Variants in PPP2R3A observed in about 807,000 individuals in gnomAD.
PPP2R3A encodes the protein serine/threonine-protein phosphatase 2A regulatory subunit B'' subunit alpha.
In PPP2R3A, 80 loss-of-function variants were observed where a neutral mutation model predicts 106.9. The observed-to-expected ratio is 0.75, with a 90% CI of 0.62 to 0.90. The LOEUF (loss-of-function observed/expected upper bound fraction) is 0.90. Among genes scored for constraint, PPP2R3A ranks in the 40% least tolerant of loss-of-function variants. The pLI is 0.00. For missense variants in PPP2R3A, 1,386 were observed against 1,350.4 expected (o/e 1.03, Z -0.41); for synonymous variants, 483 against 468.3 (o/e 1.03, Z -0.41).
chr3:136,034,979 C>G (rs1191472483), intron 3 of PPP2R3A, among the ~76,000 whole-genome samples: 1 of 152,096 alleles, frequency 6.6e-6, no homozygotes, highest in African/African-American at 2.4e-5. Flanking sequence ...TGTAATGTCC[C>G]TCTTTTTCTT....
Position 136,002,598 on chromosome 3 carries a change from A to G in PPP2R3A, c.1100A>G (p.Gln367Arg). Residue 367 changes from glutamine (Q) to arginine (R), a missense_variant, in exon 2 of 14, where the codon CAA becomes CGA. Physicochemically the swap from Gln to Arg is conservative, Grantham distance 43. Transcript: ENST00000264977. ...AATTCTAGGAAGATGGACACTGTAC[A>G]ATCCATTCCAAACAACTCCACAAAT... ...KPNSRKMDTV[Q>R]SIPNNSTNSL... 6.2e-7 allele frequency: 1 copy of G among 1,614,006 alleles called. No homozygotes were observed. Among genetic ancestry groups the G allele is most frequent in the Non-Finnish European group, 8.5e-7 (1 of 1,179,890 alleles).
chr3:136,002,911 G>A lies in PPP2R3A; in HGVS notation c.1413G>A (p.Lys471=). The part of the protein sequence containing the change: ...CPTPMQNEIG[K]IFEKSFVNLP... ...CCCCAATGCAAAATGAAATTGGTAA[G>A]ATATTTGAGAAATCATTTGTTAATC... Residue 471 remains lysine, a synonymous_variant, in exon 2 of 14, where the codon AAG becomes AAA. Coordinates refer to ENST00000264977, the MANE Select transcript of PPP2R3A (RefSeq NM_002718.5). 6.2e-7 allele frequency: 1 copy of A among 1,611,790 alleles called. No homozygotes were observed. Among genetic ancestry groups the A allele is most frequent in the Non-Finnish European group, 8.5e-7 (1 of 1,179,342 alleles).
intron 5 of PPP2R3A, among the ~76,000 whole-genome samples, chr3:136,053,675 C>T (rs1040936092): frequency 1.3e-5 from 2 of 152,196 alleles, no homozygotes; most frequent in Non-Finnish European, 2.9e-5. Flanking sequence ...ATGTGACAGC[C>T]ACAGATTAAA....
chr3:136,063,899 C>T (rs1291713244), intron 5 of PPP2R3A, among the ~76,000 whole-genome samples: 1 of 149,980 alleles, frequency 6.7e-6, no homozygotes, highest in African/African-American at 2.5e-5. Context: ...CCATTTGACC[C>T]AGCCATCCCA....
intron 2 of PPP2R3A, chr3:136,022,869 G>A: frequency 7.3e-7 from 1 of 1,369,570 alleles, no homozygotes; most frequent in Non-Finnish European, 9.4e-7. Context: ...GCCACAGACT[G>A]TATTTGGGAA....
At chr3:136,070,284 GC>G (rs1936385377) in intron 5 of PPP2R3A, among the ~76,000 whole-genome samples, 193 bp from the exon 6 acceptor site, 1 of 152,128 alleles carries the variant, frequency 6.6e-6, no homozygotes. Flanking sequence ...TTTGAAGTAT[GC>G]TGTGTATACA....
intron 9 of PPP2R3A, among the ~76,000 whole-genome samples, chr3:136,089,526 G>A (rs538955126): frequency 6.4e-4 from 97 of 151,436 alleles, no homozygotes; most frequent in Non-Finnish European, 8.7e-4. Context: ...GATACCTCTC[G>A]CTTGGTTGTT....
intron 13 of PPP2R3A, among the ~76,000 whole-genome samples, chr3:136,138,815 G>T (rs1193548892): frequency 2.2e-5 from 3 of 135,034 alleles, no homozygotes; most frequent in Non-Finnish European, 4.6e-5. Flanking sequence ...AGGTTCAAGC[G>T]ATTCTCCTGC....
At chr3:135,999,122 C>G (rs148557416) in intron 1 of PPP2R3A, among the ~76,000 whole-genome samples, 203 of 152,272 alleles carry the variant, frequency 1.3e-3, no homozygotes, top group African/African-American at 4.7e-3. Flanking sequence ...CTCCCAGGGT[C>G]AGGCACAGAG....
chr3:135,966,760 G>A (rs181884093), intron 1 of PPP2R3A, among the ~76,000 whole-genome samples: 1 of 152,166 alleles, frequency 6.6e-6, no homozygotes, highest in East Asian at 1.9e-4. Context: ...TAACACGTAA[G>A]CAAAAAAAGA....
chr3:135,983,140 G>A (rs1455291953), intron 1 of PPP2R3A, among the ~76,000 whole-genome samples: 4 of 152,196 alleles, frequency 2.6e-5, no homozygotes. Flanking sequence ...TCTGTCAAGG[G>A]ACACGTGAGG....
chr3:136,048,501 G>A (rs542844879), intron 4 of PPP2R3A, among the ~76,000 whole-genome samples: 7 of 152,126 alleles, frequency 4.6e-5, no homozygotes, highest in African/African-American at 1.7e-4. Context: ...TGAAACCCCC[G>A]TCTCTACTAA....
At chr3:136,022,264 C>T (rs1406991243) in intron 2 of PPP2R3A, among the ~76,000 whole-genome samples, 1 of 152,078 alleles carries the variant, frequency 6.6e-6, no homozygotes, top group Non-Finnish European at 1.5e-5. Context: ...AGTTGTTCTA[C>T]TTTCTTAATA....
rs145190722 is a variant in PPP2R3A, at chr3:135,985,329, T to TTCTC, written c.-440-15713_-440-15710dup. Among the ~76,000 whole-genome samples, 770 of 128,680 alleles carry TTCTC rather than the reference T, an allele frequency of 6.0e-3. 2 individuals are homozygous for TTCTC. Among genetic ancestry groups the TTCTC allele is most frequent in the Non-Finnish European group, 0.01 (601 of 59,988 alleles). The allele number at this position is 128,680 out of a possible 152,430, so 84.4% of individuals were successfully genotyped here. ...TCTCTCTCTCTCTCCCCCTTTCCCTTTCTCTCTCTCTCTCTCTCTCCCCGC... is the reference window on the plus strand; with the variant it reads ...TCTCTCTCTCTCTCCCCCTTTCCCTTTCTCTCTCTCTCTCTCTCTCTCTCCCCGC... On this transcript the variant is annotated intron_variant, in intron 1 of 13. Transcript: ENST00000264977.
At chr3:135,978,981 GA>G (rs1937496567) in intron 1 of PPP2R3A, among the ~76,000 whole-genome samples, 1 of 151,762 alleles carries the variant, frequency 6.6e-6, no homozygotes, top group Non-Finnish European at 1.5e-5. Flanking sequence ...ATGATACGCT[GA>G]TTTAAGATAA....
chr3:136,103,119 G>T, intron 11 of PPP2R3A, 139 bp from the exon 12 acceptor site: 3 of 506,404 alleles, frequency 5.9e-6, no homozygotes, highest in Non-Finnish European at 1.0e-5. Context: ...AAAAAGAAAT[G>T]AGATTTAAAT....
chr3:136,003,046 G>C lies in PPP2R3A; in HGVS notation c.1548G>C (p.Leu516Phe). ...AGATAGATAAATTGTTAATGGATTT[G>C]GAATCTTTTTCACAGAAGATGGAGA... The part of the protein sequence containing the change: ...QEEIDKLLMD[L>F]ESFSQKMETS... The change falls in exon 2 of 14, where the codon TTG (leucine) becomes TTC (phenylalanine). Residue 516 changes from leucine to phenylalanine, a missense_variant. Coordinates refer to ENST00000264977, the MANE Select transcript of PPP2R3A (RefSeq NM_002718.5). The C allele has an allele frequency of 6.2e-7, 1 of 1,612,878 alleles. No homozygotes were observed. Among genetic ancestry groups the C allele is most frequent in the South Asian group, 1.1e-5 (1 of 90,690 alleles).
At chr3:136,006,774 A>G (rs1016103570) in intron 2 of PPP2R3A, among the ~76,000 whole-genome samples, 6 of 152,250 alleles carry the variant, frequency 3.9e-5, no homozygotes, top group Non-Finnish European at 8.8e-5. Context: ...TCAGCAAGAG[A>G]CTATATAGAT....
At chr3:136,051,591 A>C (rs2107866923) in intron 5 of PPP2R3A, among the ~76,000 whole-genome samples, 1 of 152,310 alleles carries the variant, frequency 6.6e-6, no homozygotes, top group South Asian at 2.1e-4. Context: ...CAGCCTCCCA[A>C]AGTGCTGGGA....
Sources: allele counts gnomAD v4.1 joint callset (sites outside exome capture counted in the v4.1 genomes callset), GRCh38; gene constraint gnomAD v4.1.1; transcripts MANE v1.5; gene names NCBI Gene and HGNC (gene_info 2026-07-23, HGNC 2026-07-21).